Variants in EHD4 observed in about 807,000 individuals in gnomAD.
EHD4 encodes EH domain containing 4.
In EHD4, 37 loss-of-function variants were observed where a neutral mutation model predicts 51.0. That is an observed-to-expected ratio of 0.73 (90% CI 0.56 to 0.95). The LOEUF (loss-of-function observed/expected upper bound fraction) is 0.95, where lower values mean the gene tolerates loss of function less well. Ranked by LOEUF, EHD4 falls within the 40% of genes least tolerant of loss-of-function variation. The pLI is 0.00. For missense variants in EHD4, 632 were observed against 733.1 expected (o/e 0.86, Z 1.59); for synonymous variants, 297 against 317.3 (o/e 0.94, Z 0.68).
At chr15:41,901,650 C>G (rs1273386555) in intron 5 of EHD4, among the ~76,000 whole-genome samples, 1 of 152,174 alleles carries the variant, frequency 6.6e-6, no homozygotes, top group Non-Finnish European at 1.5e-5. Flanking sequence ...GACTAATGCT[C>G]TCTGTGCTGG....
At chr15:41,907,026 T>C (rs1363866576) in intron 5 of EHD4, among the ~76,000 whole-genome samples, 2 of 152,192 alleles carry the variant, frequency 1.3e-5, no homozygotes, top group African/African-American at 2.4e-5. Flanking sequence ...GGGTGTCTTC[T>C]GACCTGGCCA....
intron 3 of EHD4, among the ~76,000 whole-genome samples, chr15:41,930,451 G>A (rs988937050): frequency 6.6e-6 from 1 of 152,226 alleles, no homozygotes; most frequent in Admixed American, 6.5e-5. Context: ...GGCTTTGACC[G>A]TGACAATGCA....
At chr15:41,904,716 A>G (rs2067501433) in intron 5 of EHD4, among the ~76,000 whole-genome samples, 1 of 152,240 alleles carries the variant, frequency 6.6e-6, no homozygotes, top group African/African-American at 2.4e-5. Context: ...TGCTGTTGAA[A>G]TGCTGCCAAC....
intron 1 of EHD4, among the ~76,000 whole-genome samples, chr15:41,963,110 T>G (rs1252881998): frequency 3.3e-5 from 5 of 151,618 alleles, no homozygotes; most frequent in Non-Finnish European, 5.9e-5. Context: ...TCCTTAAGAG[T>G]CATCACCACT....
chr15:41,919,260 C>T lies in EHD4; in HGVS notation c.874G>A (p.Ala292Thr). 6.2e-7 allele frequency: 1 copy of T among 1,614,160 alleles called. No homozygotes were observed. The highest frequency in any genetic ancestry group is 8.5e-7 in the Non-Finnish European group (1 of 1,180,034). Residue 292 changes from alanine to threonine, a missense_variant, in exon 4 of 6, where the codon GCA becomes ACA. Ala to Thr is a moderately conservative substitution (Grantham distance 58). Coordinates refer to ENST00000220325, the MANE Select transcript of EHD4 (RefSeq NM_139265.4). Reference sequence around the variant, plus strand: ...AGGTCGTTGAGCTTGCGCACCGCTGCCTTCTGGGGGAGGCTCTGGATGTCT... The same window carrying T: ...AGGTCGTTGAGCTTGCGCACCGCTGTCTTCTGGGGGAGGCTCTGGATGTCT... ...FRDIQSLPQK[A>T]AVRKLNDLIK...
chr15:41,903,779 G>A (rs546546542), intron 5 of EHD4, among the ~76,000 whole-genome samples: 2 of 152,132 alleles, frequency 1.3e-5, no homozygotes, highest in African/African-American at 4.8e-5. Context: ...AGCTAAACGG[G>A]CTGACATTTC....
intron 2 of EHD4, among the ~76,000 whole-genome samples, chr15:41,948,477 G>T (rs2067830286): frequency 6.6e-6 from 1 of 152,042 alleles, no homozygotes; most frequent in Non-Finnish European, 1.5e-5. Flanking sequence ...TGAGGTTAAA[G>T]AATAATGGGG....
intron 2 of EHD4, among the ~76,000 whole-genome samples, chr15:41,949,825 A>G (rs2067841298): frequency 6.6e-6 from 1 of 152,154 alleles, no homozygotes; most frequent in Non-Finnish European, 1.5e-5. Flanking sequence ...GAATAACATA[A>G]CATCTTATTC....
chr15:41,938,398 T>G (rs2067745402), intron 3 of EHD4, among the ~76,000 whole-genome samples: 1 of 152,250 alleles, frequency 6.6e-6, no homozygotes, highest in African/African-American at 2.4e-5. Context: ...TTTCTGTTAT[T>G]GCCCGTCATG....
intron 5 of EHD4, among the ~76,000 whole-genome samples, chr15:41,907,530 A>C (rs1374076379): frequency 6.6e-6 from 1 of 152,026 alleles, no homozygotes; most frequent in East Asian, 1.9e-4. Flanking sequence ...GCGTGTATAT[A>C]TTTTTTTGAG....
At position 41,919,517 on chromosome 15, in the gene EHD4, G is replaced by C. The variant is rs1197001140; in HGVS notation, c.617C>G (p.Ala206Gly). 1 of 1,545,590 alleles carries C rather than the reference G, an allele frequency of 6.5e-7. No homozygotes were observed. Among genetic ancestry groups the C allele is most frequent in the Admixed American group, 2.1e-5 (1 of 48,714 alleles). The stretch of plus-strand genomic sequence containing the variant: ...GTCCTGGCCCCGGAAGGCCTTGATG[G>C]CCTCTGAGAATTCATCTGAGATGTC... ...KLDISDEFSEAIKAFRGQDDK... is the reference protein window; with the variant it reads ...KLDISDEFSEGIKAFRGQDDK... Residue 206 changes from alanine to glycine, a missense_variant, in exon 4 of 6, where the codon GCC (alanine) becomes GGC (glycine). Coordinates refer to ENST00000220325, the MANE Select transcript of EHD4 (RefSeq NM_139265.4).
In EHD4 at chr15:41,946,703, G is replaced by A. The variant is rs557296602; in HGVS notation, c.414-3539C>T. On this transcript the variant is annotated intron_variant, in intron 2 of 5. Coordinates refer to ENST00000220325, the MANE Select transcript of EHD4 (RefSeq NM_139265.4). ...ATGGTGCCAGTGCACTACAGCCTGT[G>A]CAACAGAGTGAGACCCTGTCTCAGA... Among the ~76,000 whole-genome samples the A allele has an allele frequency of 1.3e-3, 205 of 152,292 alleles. 1 individual carries two copies. Among genetic ancestry groups the A allele is most frequent in the African/African-American group, 4.7e-3 (196 of 41,558 alleles).
chr15:41,905,215 G>A (rs2067504627), intron 5 of EHD4, among the ~76,000 whole-genome samples: 3 of 152,212 alleles, frequency 2.0e-5, no homozygotes, highest in Admixed American at 1.3e-4. Flanking sequence ...GCAGTATCAG[G>A]TGACACTAAG....
At chr15:41,901,960 A>T (rs1056644969) in intron 5 of EHD4, among the ~76,000 whole-genome samples, 2 of 152,182 alleles carry the variant, frequency 1.3e-5, no homozygotes, top group African/African-American at 2.4e-5. Flanking sequence ...AAATAAGCAA[A>T]AGCTGGAACT....
intron 3 of EHD4, among the ~76,000 whole-genome samples, chr15:41,929,847 G>A (rs1209602033): frequency 2.0e-5 from 3 of 152,148 alleles, no homozygotes; most frequent in African/African-American, 2.4e-5. Context: ...TTAGCTCAGC[G>A]TCTGTATAGT....
At chr15:41,941,605 A>G (rs1037369776) in intron 3 of EHD4, 2 of 137,090 alleles carry the variant, frequency 1.5e-5, no homozygotes, top group African/African-American at 5.5e-5. Context: ...TTTTTTTTTC[A>G]TAATTGCAAG....
chr15:41,928,966 A>T (rs1273904189), intron 3 of EHD4: 1 of 152,214 alleles, frequency 6.6e-6, no homozygotes, highest in African/African-American at 2.4e-5. Flanking sequence ...GAGGGAACAC[A>T]GGTTCCCAAG....
chr15:41,904,868 C>A (rs529109726), intron 5 of EHD4, among the ~76,000 whole-genome samples: 1 of 152,260 alleles, frequency 6.6e-6, no homozygotes, highest in Non-Finnish European at 1.5e-5. Flanking sequence ...GTGCCAGGCA[C>A]GCACAGGCAG....
intron 4 of EHD4, among the ~76,000 whole-genome samples, chr15:41,915,085 G>GAC (rs10552371): frequency 0.014 from 2,057 of 149,644 alleles, 25 homozygotes; most frequent in African/African-American, 0.029. Flanking sequence ...CAGTCTTGGA[G>GAC]ACACACACAC....
Sources: allele counts gnomAD v4.1 joint callset (sites outside exome capture counted in the v4.1 genomes callset), GRCh38; gene constraint gnomAD v4.1.1; transcripts MANE v1.5; gene names NCBI Gene and HGNC (gene_info 2026-07-23, HGNC 2026-07-21).